The following ASPSCR1 variants were observed in gnomAD, a reference collection of about 807,000 sequenced individuals.
The protein encoded by ASPSCR1 is ASPSCR1 tether for SLC2A4, UBX domain containing, also known as tether containing UBX domain for GLUT4.
ASPSCR1 carries 55 observed loss-of-function variants against 68.9 expected under a neutral mutation model. The ratio of observed to expected loss-of-function variants is 0.80; its 90% CI spans 0.64 to 1.00. The LOEUF is 1.00. Ranked by LOEUF, ASPSCR1 falls within the 50% of genes least tolerant of loss-of-function variation. ASPSCR1 has a pLI of 0.00. For missense variants in ASPSCR1, 765 were observed against 762.2 expected, an observed-to-expected ratio of 1.00 and a Z score of -0.04; for synonymous variants, 352 against 332.6, an observed-to-expected ratio of 1.06 and a Z score of -0.63.
chr17:81,989,564 G>A (rs2042096276), intron 4 of ASPSCR1, among the ~76,000 whole-genome samples: 5 of 152,214 alleles, frequency 3.3e-5, no homozygotes, highest in Admixed American at 3.3e-4. Context: ...GTGCTTCGAA[G>A]GGGCGTTCTG....
Position 82,016,883 on chromosome 17 carries a change from G to T in ASPSCR1, c.1475+14G>T, listed in dbSNP as rs912658093. The T allele has an allele frequency of 1.2e-6, 2 of 1,612,396 alleles. No individual in the cohort carries two copies. The highest frequency in any genetic ancestry group is 1.7e-5 in the Admixed American group (1 of 59,992). ...GCTGGTGGCCAGGTAAGTGCCGGTG[G>T]GTCTGGGGGCACCTCCCGTGGCGGC... On this transcript the variant is annotated intron_variant, in intron 14 of 15. Coordinates refer to ENST00000306739, the MANE Select transcript of ASPSCR1 (RefSeq NM_024083.4).
intron 12 of ASPSCR1, chr17:82,015,096 G>A: frequency 6.3e-7 from 1 of 1,598,060 alleles, no homozygotes; most frequent in Non-Finnish European, 8.5e-7. Context: ...TGACCGGGTG[G>A]CTCCATTCAC....
chr17:82,009,434 C>G, intron 8 of ASPSCR1, 52 bp from the exon 9 acceptor site: 3 of 1,506,426 alleles, frequency 2.0e-6, no homozygotes, highest in South Asian at 2.5e-5. Flanking sequence ...GGGCCTGTTG[C>G]CAGGGCCCCC....
At chr17:82,017,279 T>C (rs1365851244) in intron 15 of ASPSCR1, 30 bp from the exon 16 acceptor site, 1 of 1,610,112 alleles carries the variant, frequency 6.2e-7, no homozygotes, top group Non-Finnish European at 8.5e-7. Context: ...GCCCGGGGTG[T>C]GTGGTCACCC....
At chr17:81,979,924 C>T (rs1032957635) in intron 2 of ASPSCR1, among the ~76,000 whole-genome samples, 2 of 152,216 alleles carry the variant, frequency 1.3e-5, no homozygotes, top group South Asian at 2.1e-4. Flanking sequence ...ATAGGATGTG[C>T]GTGTCTATCC....
chr17:82,010,070 C>A, intron 9 of ASPSCR1: 1 of 333,458 alleles, frequency 3.0e-6, no homozygotes, highest in South Asian at 2.0e-5. Flanking sequence ...CTACCACTAG[C>A]TCGGCTAATT....
intron 5 of ASPSCR1, 91 bp downstream of exon 5, chr17:81,994,969 G>A (rs2042288686): frequency 7.4e-7 from 1 of 1,351,756 alleles, no homozygotes; most frequent in Non-Finnish European, 1.0e-6. Flanking sequence ...CGTCTCCAGG[G>A]CAGTGGCGGG....
At chr17:81,982,065 TTGAAGCA>T in intron 2 of ASPSCR1, among the ~76,000 whole-genome samples, 1 of 152,132 alleles carries the variant, frequency 6.6e-6, no homozygotes, top group South Asian at 2.1e-4. Context: ...GCCTCCCGGG[TTGAAGCA>T]CTCCTCCCAC....
chr17:81,998,958 C>A (rs192865562), intron 7 of ASPSCR1, among the ~76,000 whole-genome samples: 1 of 152,244 alleles, frequency 6.6e-6, no homozygotes, highest in Non-Finnish European at 1.5e-5. Context: ...ACGCCTCCCC[C>A]CAACCGTGGG....
chr17:81,992,429 G>A (rs2042200789), intron 4 of ASPSCR1, among the ~76,000 whole-genome samples: 1 of 152,250 alleles, frequency 6.6e-6, no homozygotes, highest in Non-Finnish European at 1.5e-5. Context: ...GGCGTTTGAT[G>A]TCACGCTGCT....
At chr17:82,007,821 C>A (rs1234574451) in intron 7 of ASPSCR1, 2 of 152,386 alleles carry the variant, frequency 1.3e-5, no homozygotes, top group East Asian at 3.9e-4. Flanking sequence ...TGGGGGGCCG[C>A]CTGGCGCCTG....
At chr17:82,013,389 G>A (rs947441730) in intron 12 of ASPSCR1, 54 of 152,264 alleles carry the variant, frequency 3.5e-4, no homozygotes, top group African/African-American at 1.2e-3. Flanking sequence ...TGTTTCTGGG[G>A]ACGCTTGGCT....
At chr17:82,009,311 G>GC in intron 8 of ASPSCR1, 120 bp downstream of exon 8, 1 of 1,421,064 alleles carries the variant, frequency 7.0e-7, no homozygotes, top group Non-Finnish European at 9.4e-7. Flanking sequence ...CTGACAGGCT[G>GC]CCCTTAACAG....
At chr17:81,985,240 A>C (rs985477908) in intron 3 of ASPSCR1, among the ~76,000 whole-genome samples, 4 of 151,014 alleles carry the variant, frequency 2.6e-5, no homozygotes, top group Admixed American at 6.6e-5. Context: ...GCACACACCC[A>C]CACACACATA....
At chr17:82,014,865 G>C (rs940723212) in intron 12 of ASPSCR1, 2 of 641,050 alleles carry the variant, frequency 3.1e-6, no homozygotes, top group African/African-American at 3.7e-5. Flanking sequence ...GGCAGCTAGG[G>C]AGGGGCCGGC....
Position 81,999,347 on chromosome 17 carries a change from T to C in ASPSCR1, c.933+2501T>C, listed in dbSNP as rs117832467. ...CATTTAAAATATTTGTGTCTGGGCC[T>C]GTGGCATGGTGGCTCACACCTGTAA... On this transcript the variant is annotated intron_variant, in intron 7 of 15. Transcript: ENST00000306739. The surrounding 1 kb of genome is among the most constrained non-coding windows in gnomAD (Gnocchi z 4.4). 2.2e-4 allele frequency among the ~76,000 whole-genome samples: 33 copies of C among 152,258 alleles called. 1 individual carries two copies. In the East Asian group the frequency reaches 5.4e-3, roughly 25 times the overall value.
At chr17:82,010,708 T>C in intron 9 of ASPSCR1, 94 bp from the exon 10 acceptor site, 2 of 1,346,998 alleles carry the variant, frequency 1.5e-6, no homozygotes, top group East Asian at 4.6e-5. Flanking sequence ...AGCCCTGGTG[T>C]CCATGGCCCA....
intron 11 of ASPSCR1, chr17:82,012,004 C>T (rs1021255599): frequency 3.4e-5 from 22 of 653,096 alleles, no homozygotes; most frequent in African/African-American, 5.4e-5. Context: ...CAAGGGGAGC[C>T]GGGCTGCACG....
chr17:82,009,217 G>C (rs1334165093), intron 8 of ASPSCR1, 26 bp downstream of exon 8: 1 of 1,574,104 alleles, frequency 6.4e-7, no homozygotes, highest in Non-Finnish European at 8.6e-7. Flanking sequence ...GTGCCTCCCG[G>C]CATCTTCGCG....
Sources: gnomAD v4.1 joint callset for allele counts (sites outside exome capture counted in the v4.1 genomes callset) on GRCh38, gnomAD v4.1.1 for gene constraint, Gnocchi (gnomAD v3.1) non-coding constraint, MANE v1.5 for transcripts, NCBI Gene and HGNC (gene_info 2026-07-23, HGNC 2026-07-21) for gene names.